The following TGFBR1 variants were observed in gnomAD, a reference collection of about 807,000 sequenced individuals.
TGFBR1 encodes transforming growth factor beta receptor 1, also known as TGF-beta receptor type-1.
Under a neutral mutation model 55.1 loss-of-function variants are expected in TGFBR1, and 20 were observed. The observed-to-expected ratio is 0.36, with a 90% CI of 0.26 to 0.53. The LOEUF is 0.53. Ranked by LOEUF, TGFBR1 falls within the 20% of genes least tolerant of loss-of-function variation. The pLI is 0.91. For synonymous variants in TGFBR1, 220 were observed against 214.8 expected (o/e 1.02, Z -0.21); for missense variants, 385 against 617.6 (o/e 0.62, Z 3.99).
intron 1 of TGFBR1, among the ~76,000 whole-genome samples, chr9:99,119,828 A>G (rs1220850430): frequency 6.6e-6 from 1 of 152,212 alleles, no homozygotes; most frequent in Non-Finnish European, 1.5e-5. Flanking sequence ...TGAAGGAGAA[A>G]GAGCTGATAG....
chr9:99,153,680 A>G lies in TGFBR1; in HGVS notation c.*4375A>G, dbSNP rs200033182. The G allele has an allele frequency of 5.0e-6, 1 of 198,594 alleles. No homozygotes were observed. The highest frequency in any genetic ancestry group is 1.7e-3 in the Middle Eastern group (1 of 576). 12.3% of individuals were successfully genotyped at this position (198,594 alleles called of 1,614,324 possible). A position where few individuals can be genotyped will look rare whatever the true frequency, so the allele number is the denominator to read the frequency against. Reference sequence around the variant, plus strand: ...AGTGGCATATTTTAAAATAAAGTGTATACGTTGGAATGAGTCATGCCATAT... The same window carrying G: ...AGTGGCATATTTTAAAATAAAGTGTGTACGTTGGAATGAGTCATGCCATAT... On this transcript the variant is annotated 3_prime_UTR_variant, in exon 9 of 9. Transcript: ENST00000374994.
In TGFBR1 at chr9:99,148,233, G is replaced by A. The variant is rs543314178; in HGVS notation, c.1386+449G>A. 6.2e-4 allele frequency among the ~76,000 whole-genome samples: 94 copies of A among 152,276 alleles called. 1 individual carries two copies. The highest frequency in any genetic ancestry group is 5.8e-3 in the Admixed American group (88 of 15,296). On this transcript the variant is annotated intron_variant, in intron 8 of 8. Transcript: ENST00000374994. ...GGAACTCAGATAAGGTGATTACAAA[G>A]GTGTTTCAAATGATTTTCCGTTTTA...
intron 1 of TGFBR1, among the ~76,000 whole-genome samples, chr9:99,126,395 CCTTCA>C (rs957372322): frequency 5.9e-5 from 9 of 152,282 alleles, no homozygotes; most frequent in Admixed American, 4.6e-4. Context: ...ACAGTGTTCT[CCTTCA>C]CTTGTCATTG....
At chr9:99,146,362 T>C (rs1827795323) in intron 6 of TGFBR1, 123 bp from the exon 7 acceptor site, 1 of 1,161,376 alleles carries the variant, frequency 8.6e-7, no homozygotes, top group South Asian at 1.3e-5. Flanking sequence ...TTCTTGAGTC[T>C]AATATTTGTT....
intron 1 of TGFBR1, chr9:99,128,026 G>A (rs947467934): frequency 2.2e-6 from 1 of 455,940 alleles, no homozygotes; most frequent in Non-Finnish European, 4.4e-6. Context: ...GTTTTGGAGA[G>A]CACTTAACTT....
At chr9:99,147,590 T>C (rs1827837128) in intron 7 of TGFBR1, 64 bp from the exon 8 acceptor site, 3 of 1,490,378 alleles carry the variant, frequency 2.0e-6, no homozygotes, top group Non-Finnish European at 2.8e-6. Context: ...TCAGGTGATC[T>C]TTTAATGCCT....
rs1244284661 is a variant in TGFBR1, at chr9:99,153,297, G to A, written c.*3992G>A. ...TATTATGTTGCTCAGTTACTCAAAT[G>A]GTACTGTATTGTTTATATTTGTACC... On this transcript the variant is annotated 3_prime_UTR_variant, in exon 9 of 9. Coordinates refer to ENST00000374994, the MANE Select transcript of TGFBR1 (RefSeq NM_004612.4). The A allele has an allele frequency of 2.7e-5, 6 of 219,682 alleles. No homozygotes were observed. Among genetic ancestry groups the A allele is most frequent in the Non-Finnish European group, 5.5e-5 (6 of 109,262 alleles). The allele number at this position is 219,682 out of a possible 1,614,324, so 13.6% of individuals were successfully genotyped here.
At chr9:99,125,209 C>T (rs972940987) in intron 1 of TGFBR1, among the ~76,000 whole-genome samples, 2 of 152,144 alleles carry the variant, frequency 1.3e-5, no homozygotes, top group East Asian at 1.9e-4. Context: ...TTAATGACTT[C>T]AAGGCCTTGT....
intron 3 of TGFBR1, 116 bp downstream of exon 3, chr9:99,132,855 T>A: frequency 7.2e-7 from 1 of 1,390,286 alleles, no homozygotes; most frequent in Non-Finnish European, 9.8e-7. Context: ...TAAATAATAT[T>A]GCAGGTTTGA....
intron 1 of TGFBR1, chr9:99,127,827 C>A (rs1827083119): frequency 2.4e-6 from 1 of 414,542 alleles, no homozygotes; most frequent in Admixed American, 2.7e-5. Flanking sequence ...TTTCATGTGA[C>A]CATGGTGAAA....
intron 7 of TGFBR1, 148 bp from the exon 8 acceptor site, chr9:99,147,506 G>A: frequency 1.4e-6 from 1 of 732,072 alleles, no homozygotes; most frequent in Admixed American, 2.4e-5. Context: ...GGATACAGAT[G>A]TGGATGAGAT....
At chr9:99,127,158 G>A (rs181073499) in intron 1 of TGFBR1, among the ~76,000 whole-genome samples, 14 of 152,278 alleles carry the variant, frequency 9.2e-5, no homozygotes. Flanking sequence ...AGGCACCCGG[G>A]GTGAAGTCTA....
At chr9:99,103,742 G>GT (rs1826327661), upstream of TGFBR1, among the ~76,000 whole-genome samples, 1 of 152,172 alleles carries the variant, frequency 6.6e-6, no homozygotes, top group African/African-American at 2.4e-5. Context: ...ACTTGCTTAA[G>GT]TAAGTGTCCT....
At position 99,130,078 on chromosome 9, in the gene TGFBR1, A is replaced by T. The variant is rs372386204; in HGVS notation, c.343+978A>T. ...ATAAAAATGAGGGCAACCTGTATTA[A>T]TGCTAGTGGGATTAATGGTAGAATG... On this transcript the variant is annotated intron_variant, in intron 2 of 8. Transcript: ENST00000374994. Among the ~76,000 whole-genome samples the T allele has an allele frequency of 3.9e-5, 6 of 152,310 alleles. No homozygotes were observed. The East Asian group carries it at 9.6e-4, about 24-fold the overall frequency.
At chr9:99,148,260 T>G (rs1274138824) in intron 8 of TGFBR1, among the ~76,000 whole-genome samples, 1 of 152,232 alleles carries the variant, frequency 6.6e-6, no homozygotes, top group Non-Finnish European at 1.5e-5. Flanking sequence ...TCCGTTTTAT[T>G]CATCTGATTG....
At position 99,152,552 on chromosome 9, in the gene TGFBR1, ATGTC is replaced by A. The variant is rs1828007049; in HGVS notation, c.*3250_*3253del. ...CATGCATGAGTTACCTTTTTTCTCT[ATGTC>A]TGAGAACTGTCAGATTAAAACAAGA... is the stretch of plus-strand genomic sequence containing the variant. On this transcript the variant is annotated 3_prime_UTR_variant, in exon 9 of 9. Coordinates refer to ENST00000374994, the MANE Select transcript of TGFBR1 (RefSeq NM_004612.4). 1.3e-5 allele frequency: 3 copies of A among 229,700 alleles called. No homozygotes were observed. 14.2% of individuals were successfully genotyped at this position (229,700 alleles called of 1,614,324 possible). A position where few individuals can be genotyped will look rare whatever the true frequency, so the allele number is the denominator to read the frequency against.
chr9:99,125,755 A>T (rs1009773581), intron 1 of TGFBR1, among the ~76,000 whole-genome samples: 1 of 152,206 alleles, frequency 6.6e-6, no homozygotes, highest in African/African-American at 2.4e-5. Context: ...TTGAATGTTT[A>T]TCCTTGTTTT....
At chr9:99,111,402 G>T (rs758595795) in intron 1 of TGFBR1, among the ~76,000 whole-genome samples, 3 of 149,908 alleles carry the variant, frequency 2.0e-5, no homozygotes, top group African/African-American at 7.4e-5. Flanking sequence ...GCCGAAGTGG[G>T]CGAATCACGA....
chr9:99,141,206 A>G (rs1317801212), intron 4 of TGFBR1, among the ~76,000 whole-genome samples: 1 of 152,196 alleles, frequency 6.6e-6, no homozygotes, highest in Non-Finnish European at 1.5e-5. Flanking sequence ...AGGCATGCAA[A>G]TAAGCTAGTG....
Sources: gnomAD v4.1 joint callset for allele counts (sites outside exome capture counted in the v4.1 genomes callset) on GRCh38, gnomAD v4.1.1 for gene constraint, MANE v1.5 for transcripts, NCBI Gene and HGNC (gene_info 2026-07-23, HGNC 2026-07-21) for gene names.